RBFOX1: variants seen among roughly 807,000 people sequenced by gnomAD.
RBFOX1 encodes the protein RNA binding protein fox-1 homolog 1.
A neutral mutation model predicts 57.7 loss-of-function variants in RBFOX1; 8 were observed. The observed-to-expected ratio is 0.14, with a 90% CI of 0.08 to 0.25. RBFOX1 has a LOEUF of 0.25. Ranked by LOEUF, RBFOX1 falls within the 10% of genes least tolerant of loss-of-function variation. The pLI, the probability that RBFOX1 is intolerant of heterozygous loss-of-function variation, is 1.00. For missense variants in RBFOX1, 611 were observed against 548.5 expected (o/e 1.11, Z -1.14); for synonymous variants, 326 against 222.4 (o/e 1.47, Z -4.15).
chr16:5,661,574 T>A (rs2049651422), intron 3 of RBFOX1, among the ~76,000 whole-genome samples: 1 of 152,238 alleles, frequency 6.6e-6, no homozygotes, highest in South Asian at 2.1e-4. Context: ...AACTTGTATA[T>A]GTTTAAGGTA....
At chr16:5,294,013 G>A (rs2063599572) in intron 1 of RBFOX1, among the ~76,000 whole-genome samples, 1 of 152,168 alleles carries the variant, frequency 6.6e-6, no homozygotes, top group African/African-American at 2.4e-5. Flanking sequence ...TAGAACACCT[G>A]AGGCCAGGAG....
At chr16:6,569,847 A>G (rs761603357) in intron 2 of RBFOX1, among the ~76,000 whole-genome samples, 1 of 152,124 alleles carries the variant, frequency 6.6e-6, no homozygotes, top group Non-Finnish European at 1.5e-5. Flanking sequence ...AGTCTTCCCT[A>G]TTTATATCTT....
intron 3 of RBFOX1, among the ~76,000 whole-genome samples, chr16:6,855,065 G>A (rs1173702617): frequency 6.6e-6 from 1 of 152,020 alleles, no homozygotes; most frequent in Non-Finnish European, 1.5e-5. Context: ...GGTCCTGAGA[G>A]GAGAGAGTGA....
intron 3 of RBFOX1, among the ~76,000 whole-genome samples, chr16:5,688,450 C>G (rs1849969488): frequency 6.6e-6 from 1 of 152,162 alleles, no homozygotes; most frequent in South Asian, 2.1e-4. Context: ...GCAAGAATTC[C>G]TGAGTGCATT....
At chr16:7,304,227 A>C (rs1195770065) in intron 4 of RBFOX1, 1 of 979,584 alleles carries the variant, frequency 1.0e-6, no homozygotes, top group African/African-American at 1.8e-5. Flanking sequence ...AGAGAGAGAG[A>C]GAGAGAGAGA....
At chr16:7,233,851 G>A (rs1603419549) in intron 4 of RBFOX1, among the ~76,000 whole-genome samples, 1 of 152,170 alleles carries the variant, frequency 6.6e-6, no homozygotes, top group Non-Finnish European at 1.5e-5. Flanking sequence ...TGACAACAAG[G>A]TTTATTTCTG....
intron 4 of RBFOX1, among the ~76,000 whole-genome samples, chr16:5,912,014 C>G (rs186157432): frequency 2.0e-5 from 3 of 152,258 alleles, no homozygotes; most frequent in Admixed American, 2.0e-4. Flanking sequence ...AGGAGAACCT[C>G]TAAAATAATG....
In RBFOX1 at chr16:6,203,986, T is replaced by TTC. The variant is rs2097235644; in HGVS notation, c.-126-113008_-126-113007insCT. On this transcript the variant is annotated intron_variant, in intron 1 of 15. Transcript: ENST00000550418. ...TGCCAGTTCTGTTTTGTTTCTTTTT[T>TTC]TTTTTTTTTCGTGAATGACTAACAA... Among the ~76,000 whole-genome samples the TTC allele has an allele frequency of 6.6e-5, 10 of 151,710 alleles. No individual in the cohort carries two copies. The South Asian group carries it at 2.1e-3, about 32-fold the overall frequency.
chr16:5,836,461 C>T (rs1278798538), intron 3 of RBFOX1, among the ~76,000 whole-genome samples: 1 of 152,172 alleles, frequency 6.6e-6, no homozygotes, highest in African/African-American at 2.4e-5. Flanking sequence ...TTCTGCTCCC[C>T]ATCTCAGTGA....
chr16:5,586,000 C>G (rs1301785749), intron 2 of RBFOX1, among the ~76,000 whole-genome samples: 3 of 152,146 alleles, frequency 2.0e-5, no homozygotes, highest in African/African-American at 4.8e-5. Context: ...ATGAGATTAT[C>G]TTCCCCTAAA....
intron 3 of RBFOX1, among the ~76,000 whole-genome samples, chr16:6,991,792 C>T (rs2091503607): frequency 6.6e-6 from 1 of 152,162 alleles, no homozygotes; most frequent in South Asian, 2.1e-4. Context: ...CTGCTTAGGC[C>T]TTCCAAAGTG....
intron 3 of RBFOX1, among the ~76,000 whole-genome samples, chr16:7,024,558 G>T (rs149473594): frequency 6.6e-6 from 1 of 152,126 alleles, no homozygotes; most frequent in African/African-American, 2.4e-5. Context: ...TCCTCATTGT[G>T]TAAACACTGG....
chr16:6,222,502 T>C (rs944368367), intron 1 of RBFOX1, among the ~76,000 whole-genome samples: 6 of 151,722 alleles, frequency 4.0e-5, no homozygotes, highest in African/African-American at 1.2e-4. Flanking sequence ...GTCAGGAGGA[T>C]TGCAGATACA....
intron 1 of RBFOX1, among the ~76,000 whole-genome samples, chr16:6,165,165 G>A (rs796076001): frequency 3.3e-5 from 5 of 152,224 alleles, no homozygotes; most frequent in African/African-American, 9.6e-5. Flanking sequence ...GGGAGTAATA[G>A]TATTAATACC....
intron 5 of RBFOX1, among the ~76,000 whole-genome samples, chr16:7,531,253 A>G (rs1473166840): frequency 6.6e-6 from 1 of 152,214 alleles, no homozygotes; most frequent in Admixed American, 6.5e-5. Flanking sequence ...AGGAACATCA[A>G]ATAGAAACTT....
intron 1 of RBFOX1, among the ~76,000 whole-genome samples, chr16:6,227,414 T>A: frequency 6.6e-6 from 1 of 152,168 alleles, no homozygotes; most frequent in Non-Finnish European, 1.5e-5. Context: ...GTTTGTTAGG[T>A]GTGACAATGG....
At chr16:6,587,398 C>A (rs976320817) in intron 2 of RBFOX1, among the ~76,000 whole-genome samples, 1 of 152,154 alleles carries the variant, frequency 6.6e-6, no homozygotes, top group African/African-American at 2.4e-5. Flanking sequence ...TCTCCTGCCT[C>A]AGCCTCCTGA....
intron 3 of RBFOX1, among the ~76,000 whole-genome samples, chr16:5,639,441 A>T (rs140390157): frequency 2.6e-3 from 401 of 152,290 alleles, no homozygotes; most frequent in Non-Finnish European, 3.8e-3. Flanking sequence ...AGAAGTCTTG[A>T]TATGAATCAA....
intron 1 of RBFOX1, among the ~76,000 whole-genome samples, chr16:6,151,708 A>T (rs1009800205): frequency 6.6e-6 from 1 of 152,230 alleles, no homozygotes; most frequent in African/African-American, 2.4e-5. Flanking sequence ...ATGAGGCTAC[A>T]CAGGCACTGC....
Sources: allele counts gnomAD v4.1 joint callset (sites outside exome capture counted in the v4.1 genomes callset), GRCh38; gene constraint gnomAD v4.1.1; transcripts MANE v1.5; gene names NCBI Gene and HGNC (gene_info 2026-07-23, HGNC 2026-07-21).